The following CDH18 variants were observed in gnomAD, a reference collection of about 807,000 sequenced individuals.
The protein encoded by CDH18 is cadherin-18.
A neutral mutation model predicts 67.9 loss-of-function variants in CDH18; 31 were observed. The observed-to-expected ratio is 0.46, with a 90% CI of 0.34 to 0.62. CDH18 has a LOEUF of 0.62. Among genes scored for constraint, CDH18 ranks in the 20% least tolerant of loss-of-function variants. CDH18 has a pLI of 0.01. For missense variants in CDH18, 890 were observed against 975.5 expected, an observed-to-expected ratio of 0.91 and a Z score of 1.17; for synonymous variants, 362 against 347.2, an observed-to-expected ratio of 1.04 and a Z score of -0.48.
intron 3 of CDH18, among the ~76,000 whole-genome samples, chr5:19,776,971 T>C (rs529423039): frequency 2.6e-4 from 39 of 152,304 alleles, no homozygotes; most frequent in African/African-American, 9.4e-4. Flanking sequence ...GAGTCTCGTA[T>C]GTTTTTATAC....
At chr5:20,325,116 A>G (rs1403535177) in intron 1 of CDH18, among the ~76,000 whole-genome samples, 1 of 152,220 alleles carries the variant, frequency 6.6e-6, no homozygotes, top group Admixed American at 6.5e-5. Context: ...TAAAGTTTCT[A>G]GTTCCCCGTT....
intron 5 of CDH18, among the ~76,000 whole-genome samples, chr5:19,685,827 C>T (rs961284847): frequency 6.6e-6 from 1 of 152,096 alleles, no homozygotes; most frequent in African/African-American, 2.4e-5. Context: ...ACTGACAAAT[C>T]GACCAATGGA....
intron 1 of CDH18, among the ~76,000 whole-genome samples, chr5:20,324,409 C>G (rs1041069252): frequency 3.9e-5 from 6 of 152,058 alleles, no homozygotes; most frequent in Admixed American, 3.3e-4. Flanking sequence ...GGCATGGTGG[C>G]GGGTGCCTGT....
Position 20,002,322 on chromosome 5 carries a change from T to A in CDH18, c.-517-10308A>T, listed in dbSNP as rs1736514824. ...GCCATTCGTTTATTTTTAATGGAAT[T>A]TGGAAACAAATCTTTAGACTTTGGA... On this transcript the variant is annotated intron_variant, in intron 2 of 14. Transcript: ENST00000507958. Among the ~76,000 whole-genome samples the A allele has an allele frequency of 2.6e-5, 4 of 152,194 alleles. No individual in the cohort carries two copies. In the South Asian group the frequency reaches 8.3e-4, roughly 31 times the overall value.
chr5:19,686,392 G>A (rs1049707333), intron 5 of CDH18, among the ~76,000 whole-genome samples: 2 of 152,140 alleles, frequency 1.3e-5, no homozygotes, highest in Non-Finnish European at 2.9e-5. Flanking sequence ...GTAGGTTTTG[G>A]AAGAGTTACA....
intron 8 of CDH18, among the ~76,000 whole-genome samples, chr5:19,567,092 G>A (rs895960315): frequency 2.6e-5 from 4 of 152,102 alleles, no homozygotes. Context: ...AAGGGTAGTG[G>A]TGGTGGGGCA....
chr5:19,700,885 A>C (rs946222075), intron 5 of CDH18, among the ~76,000 whole-genome samples: 2 of 152,162 alleles, frequency 1.3e-5, no homozygotes, highest in African/African-American at 4.8e-5. Context: ...AAAATTAGGA[A>C]ATAGAAATTT....
At chr5:20,076,149 T>A (rs1743911741) in intron 2 of CDH18, among the ~76,000 whole-genome samples, 1 of 152,172 alleles carries the variant, frequency 6.6e-6, no homozygotes, top group Non-Finnish European at 1.5e-5. Context: ...GAACAAAATT[T>A]ATTTTTCCAT....
chr5:20,391,116 C>T (rs1009323519), intron 1 of CDH18, among the ~76,000 whole-genome samples: 4 of 151,770 alleles, frequency 2.6e-5, no homozygotes, highest in African/African-American at 7.3e-5. Context: ...CACATGTACC[C>T]TAAAACTTAA....
chr5:20,196,193 C>G (rs1738961268), intron 2 of CDH18, among the ~76,000 whole-genome samples: 1 of 152,034 alleles, frequency 6.6e-6, no homozygotes, highest in African/African-American at 2.4e-5. Flanking sequence ...GACACTCCAC[C>G]TAACAGCAGT....
chr5:20,253,163 A>G (rs1743988735), intron 2 of CDH18, among the ~76,000 whole-genome samples: 1 of 152,124 alleles, frequency 6.6e-6, no homozygotes, highest in East Asian at 1.9e-4. Context: ...TCTTGCTAAT[A>G]TGCACACCTG....
intron 1 of CDH18, among the ~76,000 whole-genome samples, chr5:20,307,859 C>T (rs1421894682): frequency 6.6e-6 from 1 of 152,084 alleles, no homozygotes; most frequent in African/African-American, 2.4e-5. Context: ...TATTATTAGT[C>T]TTAGTTTGTT....
At chr5:19,910,257 A>G (rs1056527510) in intron 2 of CDH18, among the ~76,000 whole-genome samples, 3 of 152,106 alleles carry the variant, frequency 2.0e-5, no homozygotes, top group Non-Finnish European at 1.5e-5. Context: ...TAGAGCCCAA[A>G]TTAGTCAGCA....
At chr5:20,170,433 T>G (rs1736606919) in intron 2 of CDH18, among the ~76,000 whole-genome samples, 1 of 152,048 alleles carries the variant, frequency 6.6e-6, no homozygotes, top group African/African-American at 2.4e-5. Flanking sequence ...ATTTACATAT[T>G]TTTCTTTACA....
At chr5:20,090,959 A>G (rs1243994237) in intron 2 of CDH18, among the ~76,000 whole-genome samples, 2 of 151,806 alleles carry the variant, frequency 1.3e-5, no homozygotes, top group African/African-American at 2.4e-5. Flanking sequence ...CTCTAGTGGG[A>G]GAATGACTTG....
intron 3 of CDH18, among the ~76,000 whole-genome samples, chr5:19,760,383 C>A (rs562068767): frequency 6.6e-6 from 1 of 152,112 alleles, no homozygotes; most frequent in Non-Finnish European, 1.5e-5. Flanking sequence ...TCCACGATCC[C>A]GATTTCCCTA....
chr5:19,630,368 C>T (rs552315951), intron 5 of CDH18, among the ~76,000 whole-genome samples: 75 of 152,240 alleles, frequency 4.9e-4, no homozygotes, highest in African/African-American at 1.8e-3. Context: ...CCTATGTGAA[C>T]TAATATCTGA....
At chr5:20,246,583 C>G (rs1743393840) in intron 2 of CDH18, among the ~76,000 whole-genome samples, 1 of 122,722 alleles carries the variant, frequency 8.1e-6, no homozygotes, top group Admixed American at 8.4e-5. Flanking sequence ...AGTAAAAATG[C>G]AAGCAAGATG....
chr5:19,621,149 C>G (rs924220811), intron 5 of CDH18, among the ~76,000 whole-genome samples: 10 of 151,828 alleles, frequency 6.6e-5, no homozygotes, highest in African/African-American at 2.2e-4. Context: ...ATTTGCCACT[C>G]CCTCTTGATA....
Sources: gnomAD v4.1 joint callset for allele counts (sites outside exome capture counted in the v4.1 genomes callset) on GRCh38, gnomAD v4.1.1 for gene constraint, MANE v1.5 for transcripts, NCBI Gene and HGNC (gene_info 2026-07-23, HGNC 2026-07-21) for gene names.